The following TMPRSS11F variants were observed in gnomAD, a reference collection of about 807,000 sequenced individuals.
TMPRSS11F encodes the protein transmembrane serine protease 11F.
TMPRSS11F carries 47 observed loss-of-function variants against 60.2 expected under a neutral mutation model. The observed-to-expected ratio is 0.78, with a 90% CI of 0.62 to 1.00. The LOEUF is 1.00. Ranked by LOEUF, TMPRSS11F falls within the 50% of genes least tolerant of loss-of-function variation. The pLI, the probability that TMPRSS11F is intolerant of heterozygous loss-of-function variation, is 0.00. For missense variants in TMPRSS11F, 519 were observed against 522.9 expected, an observed-to-expected ratio of 0.99 and a Z score of 0.07; for synonymous variants, 166 against 167.3, an observed-to-expected ratio of 0.99 and a Z score of 0.06.
Position 68,086,690 on chromosome 4 carries a change from C to T in TMPRSS11F, c.282+3833G>A, listed in dbSNP as rs6817692. ...ATCAGAAATGACAAAGTTGACATTA[C>T]AACCAATCCCACAGAAATACAATCC... is the stretch of plus-strand genomic sequence containing the variant. On this transcript the variant is annotated intron_variant, in intron 3 of 9. Transcript: ENST00000356291. Among the ~76,000 whole-genome samples the T allele has an allele frequency of 5.8e-3, 890 of 152,194 alleles. 10 individuals carry two copies. The highest frequency in any genetic ancestry group is 0.02 in the African/African-American group (842 of 41,540).
intron 9 of TMPRSS11F, 109 bp downstream of exon 9, chr4:68,059,217 C>T (rs947006106): frequency 3.4e-5 from 36 of 1,073,836 alleles, no homozygotes; most frequent in Non-Finnish European, 4.5e-5. Flanking sequence ...AGTCAGTTCT[C>T]GGTGTAAGAG....
At position 68,127,874 on chromosome 4, in the gene TMPRSS11F, A is replaced by G. The variant is rs369576675; in HGVS notation, c.11+1936T>C. Among the ~76,000 whole-genome samples, 8 of 152,158 alleles carry G rather than the reference A, an allele frequency of 5.3e-5. No individual in the cohort carries two copies. In the East Asian group the frequency reaches 7.7e-4, roughly 15 times the overall value. On this transcript the variant is annotated intron_variant, in intron 1 of 9. Coordinates refer to ENST00000356291, the MANE Select transcript of TMPRSS11F (RefSeq NM_207407.2). ...AATGAACAATACCAAAATAAACCAA[A>G]GAATAAACCAATAAACCAAAAATTG...
In TMPRSS11F at chr4:68,064,778, T is replaced by C. The variant is rs763719328; in HGVS notation, c.922A>G (p.Ile308Val). 3.7e-6 allele frequency: 6 copies of C among 1,614,222 alleles called. No individual in the cohort carries two copies. The East Asian group carries it at 8.9e-5, about 24-fold the overall frequency. ...QLSTGVEFSNIVQRVCLPDSS... is the reference protein window; with the variant it reads ...QLSTGVEFSNVVQRVCLPDSS... The stretch of plus-strand genomic sequence containing the variant: ...TCTGGGAGGCAAACTCTCTGGACTA[T>C]ATTTGAAAACTCAACTCCAGTAGAG... The change falls in exon 8 of 10, where the codon ATA becomes GTA. Residue 308 changes from isoleucine (I) to valine (V), a missense_variant. Coordinates refer to ENST00000356291, the MANE Select transcript of TMPRSS11F (RefSeq NM_207407.2).
intron 8 of TMPRSS11F, among the ~76,000 whole-genome samples, chr4:68,059,758 TTA>T (rs1330328934): frequency 6.6e-6 from 1 of 152,122 alleles, no homozygotes; most frequent in Non-Finnish European, 1.5e-5. Context: ...ATAGTCCTCA[TTA>T]GATTCTCATA....
chr4:68,105,049 GTTTTTTTT>G (rs34041075), intron 1 of TMPRSS11F, among the ~76,000 whole-genome samples: 5 of 55,192 alleles, frequency 9.1e-5, no homozygotes, highest in African/African-American at 2.3e-4. Context: ...TTCCCTCTAG[GTTTTTTTT>G]TTTTTTTTTT....
chr4:68,086,901 T>A (rs1723826694), intron 3 of TMPRSS11F, among the ~76,000 whole-genome samples: 1 of 151,680 alleles, frequency 6.6e-6, no homozygotes, highest in African/African-American at 2.4e-5. Flanking sequence ...ACAAACAAAA[T>A]CCCTGGACCA....
intron 1 of TMPRSS11F, among the ~76,000 whole-genome samples, chr4:68,100,496 C>A (rs144548536): frequency 6.6e-6 from 1 of 151,978 alleles, no homozygotes; most frequent in East Asian, 1.9e-4. Flanking sequence ...GGAGAGGAGG[C>A]GATGGATTTA....
intron 3 of TMPRSS11F, among the ~76,000 whole-genome samples, chr4:68,087,956 G>A (rs964886172): frequency 1.4e-5 from 2 of 146,650 alleles, no homozygotes; most frequent in Admixed American, 7.1e-5. Context: ...ACCTATGAGT[G>A]AGAATATGTG....
In TMPRSS11F at chr4:68,072,346, T is replaced by C. The variant is rs1560396766; in HGVS notation, c.491A>G (p.Asn164Ser). Residue 164 changes from asparagine to serine, a missense_variant, in exon 5 of 10, where the codon AAC (asparagine) becomes AGC (serine). Transcript: ENST00000356291. ...LKTKQLSLTINKPSFRLTPID... is the reference protein window; with the variant it reads ...LKTKQLSLTISKPSFRLTPID... ...ACGTGTGAGTCTAAATGATGGTTTG[T>C]TTATGGTCAAAGACAATTGTTTGGT... 1 of 1,594,796 alleles carries C rather than the reference T, an allele frequency of 6.3e-7. No individual in the cohort carries two copies. The highest frequency in any genetic ancestry group is 2.3e-5 in the East Asian group (1 of 44,366).
At chr4:68,096,224 T>G (rs2109869505) in intron 2 of TMPRSS11F, among the ~76,000 whole-genome samples, 1 of 152,316 alleles carries the variant, frequency 6.6e-6, no homozygotes, top group South Asian at 2.1e-4. Flanking sequence ...GCTGTTATAC[T>G]CATTTAATGT....
At chr4:68,085,716 G>A (rs373711795) in intron 3 of TMPRSS11F, among the ~76,000 whole-genome samples, 18 of 152,106 alleles carry the variant, frequency 1.2e-4, no homozygotes, top group Admixed American at 3.9e-4. Flanking sequence ...CAAAGTAAAG[G>A]GTTGGAGAAA....
chr4:68,062,001 T>C (rs1298667182), intron 8 of TMPRSS11F: 1 of 453,134 alleles, frequency 2.2e-6, no homozygotes, highest in Non-Finnish European at 4.4e-6. Flanking sequence ...TGAAACTAAG[T>C]GCACAAAAGG....
In TMPRSS11F at chr4:68,053,747, A is replaced by T; in HGVS notation, c.*162T>A. On this transcript the variant is annotated 3_prime_UTR_variant, in exon 10 of 10. Coordinates refer to ENST00000356291, the MANE Select transcript of TMPRSS11F (RefSeq NM_207407.2). ...CTCATGGTAGAGAGGGTTTGGTCCT[A>T]CGTATGTAAAGGCCACCTCAGGATA... The T allele has an allele frequency of 1.7e-6, 1 of 579,028 alleles. No individual in the cohort carries two copies. Among genetic ancestry groups the T allele is most frequent in the Non-Finnish European group, 2.9e-6 (1 of 343,650 alleles). 35.9% of individuals were successfully genotyped at this position (579,028 alleles called of 1,614,324 possible).
chr4:68,065,316 C>T (rs931830968), intron 7 of TMPRSS11F, among the ~76,000 whole-genome samples: 6 of 152,020 alleles, frequency 3.9e-5, no homozygotes, highest in African/African-American at 1.4e-4. Context: ...TTATGACTCA[C>T]TTTTTGGTTC....
At chr4:68,090,670 T>C (rs773904618) in intron 2 of TMPRSS11F, 29 bp from the exon 3 acceptor site, 3 of 1,575,506 alleles carry the variant, frequency 1.9e-6, no homozygotes, top group Admixed American at 1.8e-5. Context: ...AAAAGTCTCA[T>C]GGTTAAAGGT....
At chr4:68,115,737 C>T (rs868427632) in intron 1 of TMPRSS11F, among the ~76,000 whole-genome samples, 1 of 151,988 alleles carries the variant, frequency 6.6e-6, no homozygotes, top group Non-Finnish European at 1.5e-5. Context: ...CAAATAGGTA[C>T]TGAAATTGTA....
At chr4:68,063,244 TTC>T in intron 8 of TMPRSS11F, 1 of 573,768 alleles carries the variant, frequency 1.7e-6, no homozygotes, top group Admixed American at 1.9e-5. Context: ...ACTCCACAGG[TTC>T]TCTCTCCACC....
intron 5 of TMPRSS11F, 65 bp downstream of exon 5, chr4:68,072,258 A>G: frequency 5.4e-6 from 2 of 373,062 alleles, no homozygotes; most frequent in Non-Finnish European, 7.3e-6. Context: ...TATTGCTTAC[A>G]AAAATTAAAG....
chr4:68,125,494 C>T (rs1244599540), intron 1 of TMPRSS11F, among the ~76,000 whole-genome samples: 1 of 152,128 alleles, frequency 6.6e-6, no homozygotes, highest in Non-Finnish European at 1.5e-5. Context: ...TAAATGCAAA[C>T]ATCTCTGATA....
Sources: gnomAD v4.1 joint callset for allele counts (sites outside exome capture counted in the v4.1 genomes callset) on GRCh38, gnomAD v4.1.1 for gene constraint, MANE v1.5 for transcripts, NCBI Gene and HGNC (gene_info 2026-07-23, HGNC 2026-07-21) for gene names.